Variants in FOXP1 observed in about 807,000 individuals in gnomAD.
FOXP1 encodes the protein forkhead box protein P1.
FOXP1 carries 15 observed loss-of-function variants against 98.2 expected under a neutral mutation model. That is an observed-to-expected ratio of 0.15 (90% CI 0.10 to 0.24). The LOEUF (loss-of-function observed/expected upper bound fraction) is 0.24. FOXP1 is among the 10% of genes least tolerant of loss of function. The probability of loss-of-function intolerance (pLI) is 1.00; values close to 1 mark genes in which losing one functional copy is unlikely to be tolerated. For missense variants in FOXP1, 633 were observed against 848.5 expected, an observed-to-expected ratio of 0.75 and a Z score of 3.15; for synonymous variants, 371 against 314.5, an observed-to-expected ratio of 1.18 and a Z score of -1.90.
intron 2 of FOXP1, chr3:71,580,708 G>A (rs2107885593): frequency 1.2e-6 from 1 of 864,040 alleles, no homozygotes; most frequent in Non-Finnish European, 1.4e-6. Flanking sequence ...GAAAAATTTT[G>A]CAGCGATTCT....
chr3:71,480,454 C>T (rs1029125538), intron 3 of FOXP1, among the ~76,000 whole-genome samples: 1 of 152,144 alleles, frequency 6.6e-6, no homozygotes, highest in Non-Finnish European at 1.5e-5. Context: ...TCTCAGATTT[C>T]GAATTTAGGA....
chr3:71,455,024 C>A (rs1288047419), intron 3 of FOXP1, among the ~76,000 whole-genome samples: 1 of 152,140 alleles, frequency 6.6e-6, no homozygotes, highest in Non-Finnish European at 1.5e-5. Context: ...AAAACCATGT[C>A]ATAGCTTTGT....
rs147194597 is a variant in FOXP1 at position 71,483,377 on chromosome 3, C to T, written c.-168+10049G>A. On this transcript the variant is annotated intron_variant, in intron 3 of 20. Transcript: ENST00000649528. ...CATCAGAAACCGAAGAGCAAGTGAGCGAGCAGAAACACCAGAGAGCGGGAA... is the reference window on the plus strand; with the variant it reads ...CATCAGAAACCGAAGAGCAAGTGAGTGAGCAGAAACACCAGAGAGCGGGAA... Among the ~76,000 whole-genome samples, 325 of 152,218 alleles carry T rather than the reference C, an allele frequency of 2.1e-3. 1 individual carries two copies. Among genetic ancestry groups the T allele is most frequent in the South Asian group, 0.017 (80 of 4,816 alleles).
At chr3:71,396,923 T>C (rs2081424023) in intron 3 of FOXP1, among the ~76,000 whole-genome samples, 2 of 106,516 alleles carry the variant, frequency 1.9e-5, no homozygotes, top group Admixed American at 2.0e-4. Context: ...TGTGTGTATA[T>C]ATATATATAT....
intron 5 of FOXP1, among the ~76,000 whole-genome samples, chr3:71,214,563 G>A (rs2064770638): frequency 6.6e-6 from 1 of 152,204 alleles, no homozygotes; most frequent in Non-Finnish European, 1.5e-5. Context: ...GTAGCTGTGA[G>A]GGGTGGAGGT....
At chr3:71,229,166 A>G (rs2066084930) in intron 5 of FOXP1, among the ~76,000 whole-genome samples, 1 of 152,148 alleles carries the variant, frequency 6.6e-6, no homozygotes, top group African/African-American at 2.4e-5. Flanking sequence ...CCCCAGTTTT[A>G]GCCGAGATAC....
intron 5 of FOXP1, among the ~76,000 whole-genome samples, chr3:71,199,060 G>A (rs1388117659): frequency 6.6e-6 from 1 of 150,990 alleles, no homozygotes; most frequent in Non-Finnish European, 1.5e-5. Context: ...AGCATATTAG[G>A]TATAAACATT....
chr3:71,078,780 C>T (rs183233970), intron 7 of FOXP1, among the ~76,000 whole-genome samples: 1 of 151,818 alleles, frequency 6.6e-6, no homozygotes, highest in African/African-American at 2.4e-5. Flanking sequence ...AAGAGGAGGA[C>T]GAGGAAAGAC....
chr3:70,972,516 T>A, intron 18 of FOXP1, 39 bp downstream of exon 18: 1 of 1,613,888 alleles, frequency 6.2e-7, no homozygotes, highest in Non-Finnish European at 8.5e-7. Context: ...GTTAGCACAA[T>A]CCAAGCTAGG....
intron 3 of FOXP1, among the ~76,000 whole-genome samples, chr3:71,406,405 G>GTATACATATATATA: frequency 9.4e-6 from 1 of 106,014 alleles, no homozygotes; most frequent in Middle Eastern, 5.3e-3. Flanking sequence ...AACTGTATGT[G>GTATACATATATATA]TATATATATA....
chr3:71,564,083 T>C (rs1302726471), intron 2 of FOXP1, among the ~76,000 whole-genome samples: 1 of 152,094 alleles, frequency 6.6e-6, no homozygotes, highest in East Asian at 1.9e-4. Flanking sequence ...CAGAAGCAAA[T>C]AAAAAACCCA....
chr3:71,416,057 A>G (rs1222635869), intron 3 of FOXP1, among the ~76,000 whole-genome samples: 2 of 152,314 alleles, frequency 1.3e-5, no homozygotes, highest in East Asian at 3.9e-4. Flanking sequence ...ACTTTGTGCC[A>G]GGTATTGTAC....
At chr3:71,232,699 G>C (rs2066393608) in intron 5 of FOXP1, among the ~76,000 whole-genome samples, 1 of 151,578 alleles carries the variant, frequency 6.6e-6, no homozygotes, top group South Asian at 2.1e-4. Context: ...AGGAGTTCGA[G>C]ACCAGTCTGG....
rs1229912248 is a variant in FOXP1, at chr3:71,053,996, GGCAGCCTTGCAA to G, written c.283-235_283-224del. 2.6e-5 allele frequency among the ~76,000 whole-genome samples: 4 copies of G among 152,312 alleles called. No homozygotes were observed. The South Asian group carries it at 8.3e-4, about 32-fold the overall frequency. On this transcript the variant is annotated intron_variant, in intron 7 of 20. Transcript: ENST00000649528. The stretch of plus-strand genomic sequence containing the variant: ...TCTTGCAGTACTGATGGGGGTTCCA[GGCAGCCTTGCAA>G]GCACACAAAAAGGACAAACTTAATA...
intron 3 of FOXP1, among the ~76,000 whole-genome samples, chr3:71,394,825 G>C (rs1429924845): frequency 6.6e-6 from 1 of 152,140 alleles, no homozygotes; most frequent in African/African-American, 2.4e-5. Context: ...TGGAGGCTGG[G>C]CGCGGTGGCT....
chr3:71,528,754 A>G (rs1052959403), intron 2 of FOXP1, among the ~76,000 whole-genome samples: 5 of 152,238 alleles, frequency 3.3e-5, no homozygotes, highest in Non-Finnish European at 7.3e-5. Flanking sequence ...GACATTTAAG[A>G]TAGTTTACCC....
At chr3:71,569,845 C>T (rs2047200666) in intron 2 of FOXP1, among the ~76,000 whole-genome samples, 2 of 151,004 alleles carry the variant, frequency 1.3e-5, no homozygotes, top group Admixed American at 1.3e-4. Context: ...TCCAGTGGCG[C>T]GATCTCAGCT....
At chr3:71,084,412 G>C (rs1484370985) in intron 7 of FOXP1, among the ~76,000 whole-genome samples, 1 of 151,744 alleles carries the variant, frequency 6.6e-6, no homozygotes, top group Non-Finnish European at 1.5e-5. Flanking sequence ...TCACCCATGG[G>C]TTTGTTTCTC....
chr3:71,470,138 C>T (rs2089190817), intron 3 of FOXP1, among the ~76,000 whole-genome samples: 1 of 151,900 alleles, frequency 6.6e-6, no homozygotes, highest in Middle Eastern at 3.2e-3. Flanking sequence ...TCCTACTGTC[C>T]TTTGGAAAGA....
Sources: gnomAD v4.1 joint callset for allele counts (sites outside exome capture counted in the v4.1 genomes callset) on GRCh38, gnomAD v4.1.1 for gene constraint, MANE v1.5 for transcripts, NCBI Gene and HGNC (gene_info 2026-07-23, HGNC 2026-07-21) for gene names.